Variants in HACD3 observed in about 807,000 individuals in gnomAD.
HACD3 encodes 3-hydroxyacyl-CoA dehydratase 3.
Under a neutral mutation model 55.2 loss-of-function variants are expected in HACD3, and 30 were observed. That is an observed-to-expected ratio of 0.54 (90% CI 0.41 to 0.74). The LOEUF (loss-of-function observed/expected upper bound fraction) is 0.74. HACD3 is among the 30% of genes least tolerant of loss of function. The pLI, the probability that HACD3 is intolerant of heterozygous loss-of-function variation, is 0.00. For synonymous variants in HACD3, 141 were observed against 151.7 expected (o/e 0.93, Z 0.52); for missense variants, 363 against 440.1 (o/e 0.82, Z 1.57).
Position 65,530,487 on chromosome 15 carries a change from A to T in HACD3, c.-145A>T, listed in dbSNP as rs1467328616. ...CGTCACTGCGCAGGCGCGGCCCGCG[A>T]GCGTGGGGTATCTCGAGGTGCCGGG... On this transcript the variant is annotated 5_prime_UTR_variant, in exon 1 of 11. Transcript: ENST00000261875. The T allele has an allele frequency of 3.1e-6, 2 of 650,076 alleles. No homozygotes were observed. Among genetic ancestry groups the T allele is most frequent in the African/African-American group, 1.9e-5 (1 of 51,672 alleles). The allele number at this position is 650,076 out of a possible 1,614,324, so 40.3% of individuals were successfully genotyped here.
chr15:65,535,316 G>A (rs558121604), intron 1 of HACD3, among the ~76,000 whole-genome samples: 5 of 152,206 alleles, frequency 3.3e-5, no homozygotes, highest in African/African-American at 7.2e-5. Context: ...CTAATATCAC[G>A]ACTATTTAAA....
In HACD3 at chr15:65,560,965, G is replaced by C. The variant is rs528119056; in HGVS notation, c.422-1809G>C. 2.0e-5 allele frequency among the ~76,000 whole-genome samples: 3 copies of C among 152,294 alleles called. No individual in the cohort carries two copies. The East Asian group carries it at 5.8e-4, about 29-fold the overall frequency. On this transcript the variant is annotated intron_variant, in intron 5 of 10. Coordinates refer to ENST00000261875, the MANE Select transcript of HACD3 (RefSeq NM_016395.4). ...TTACAGTTTTTAGATTGTAAGCTCT[G>C]AGGGCAGCCTTGAACTACCTTTGTA...
At chr15:65,568,248 A>G (rs2072312323) in intron 7 of HACD3, among the ~76,000 whole-genome samples, 1 of 151,876 alleles carries the variant, frequency 6.6e-6, no homozygotes, top group African/African-American at 2.4e-5. Context: ...ATTTTACAAG[A>G]TGAAAAGAGT....
At chr15:65,543,230 G>A (rs1596206292) in intron 1 of HACD3, among the ~76,000 whole-genome samples, 1 of 152,084 alleles carries the variant, frequency 6.6e-6, no homozygotes, top group Non-Finnish European at 1.5e-5. Context: ...AGTAGATCAT[G>A]TCCTTTTTAA....
chr15:65,535,649 A>AT lies in HACD3; in HGVS notation c.87+4933dup, dbSNP rs202114734. On this transcript the variant is annotated intron_variant, in intron 1 of 10. Coordinates refer to ENST00000261875, the MANE Select transcript of HACD3 (RefSeq NM_016395.4). ...TTGGAATAGTTCAGATTTTTTCATT[A>AT]TTATTATATCTGTTCTGGTGATCTG... The AT allele has an allele frequency of 3.5e-3, 1,406 of 399,528 alleles. 11 individuals carry two copies. The highest frequency in any genetic ancestry group is 0.027 in the African/African-American group (1,280 of 48,120). The allele number at this position is 399,528 out of a possible 1,614,324, so 24.7% of individuals were successfully genotyped here.
chr15:65,574,324 C>G (rs933351336), intron 10 of HACD3: 1 of 152,112 alleles, frequency 6.6e-6, no homozygotes, highest in Non-Finnish European at 1.5e-5. Context: ...TGCCATAGCC[C>G]GTCTCCATAT....
intron 7 of HACD3, among the ~76,000 whole-genome samples, chr15:65,568,769 A>G (rs1288946137): frequency 6.6e-6 from 1 of 152,230 alleles, no homozygotes; most frequent in Non-Finnish European, 1.5e-5. Context: ...TAAAAAATCA[A>G]GACAGTATAA....
Position 65,558,663 on chromosome 15 carries a change from T to A in HACD3, c.370-17T>A. Reference sequence around the variant, plus strand: ...ATTCTAACTTGTGTTCTTGGAAAACTTTTGTCTAAATTCTAGGAAGAAGAG... The same window carrying A: ...ATTCTAACTTGTGTTCTTGGAAAACATTTGTCTAAATTCTAGGAAGAAGAG... On this transcript the variant is annotated splice_polypyrimidine_tract_variant and intron_variant, in intron 4 of 10. Transcript: ENST00000261875. 6.3e-7 allele frequency: 1 copy of A among 1,584,928 alleles called. No homozygotes were observed. Among genetic ancestry groups the A allele is most frequent in the South Asian group, 1.2e-5 (1 of 86,568 alleles).
At chr15:65,561,831 C>T (rs769485503) in intron 5 of HACD3, among the ~76,000 whole-genome samples, 7 of 152,190 alleles carry the variant, frequency 4.6e-5, no homozygotes, top group Non-Finnish European at 1.0e-4. Context: ...CGAGTCTGAA[C>T]CTCCAGAACT....
rs181171448 is a variant in HACD3, at chr15:65,566,515, C to T, written c.660+2173C>T. 314 of 162,220 alleles carry T rather than the reference C, an allele frequency of 1.9e-3. 2 individuals are homozygous for T. The Middle Eastern group carries it at 0.021, about 11-fold the overall frequency. 10.0% of individuals were successfully genotyped at this position (162,220 alleles called of 1,614,324 possible). On this transcript the variant is annotated intron_variant, in intron 7 of 10. Transcript: ENST00000261875. ...ATGAGGAAGAAACAAAAGCGGAAAC[C>T]CCTGATAAGCCCGCCAGATCTTGTG... is the stretch of plus-strand genomic sequence containing the variant.
At chr15:65,535,316 G>C (rs558121604) in intron 1 of HACD3, among the ~76,000 whole-genome samples, 4 of 152,088 alleles carry the variant, frequency 2.6e-5, no homozygotes, top group Non-Finnish European at 5.9e-5. Context: ...CTAATATCAC[G>C]ACTATTTAAA....
chr15:65,538,324 C>T (rs1053428018), intron 1 of HACD3, among the ~76,000 whole-genome samples: 24 of 151,992 alleles, frequency 1.6e-4, no homozygotes, highest in African/African-American at 5.8e-4. Context: ...TAAAAATGAA[C>T]AGGAGTTTCG....
At chr15:65,553,872 C>A (rs1888024831) in intron 2 of HACD3, among the ~76,000 whole-genome samples, 1 of 152,138 alleles carries the variant, frequency 6.6e-6, no homozygotes, top group Non-Finnish European at 1.5e-5. Flanking sequence ...GCAGCAGCTG[C>A]TGGGTCCAGC....
At chr15:65,552,761 A>G (rs1188524979) in intron 2 of HACD3, among the ~76,000 whole-genome samples, 2 of 151,520 alleles carry the variant, frequency 1.3e-5, no homozygotes, top group East Asian at 3.9e-4. Context: ...TTACATATGT[A>G]TACATGTGCC....
At position 65,530,567 on chromosome 15, in the gene HACD3, A is replaced by G; in HGVS notation, c.-65A>G. On this transcript the variant is annotated 5_prime_UTR_variant, in exon 1 of 11. Transcript: ENST00000261875. The stretch of plus-strand genomic sequence containing the variant: ...AGGCCTGCTTTCTGCTCGCGCCAGC[A>G]GAGCACTACCTGAGGCAGCGAGGCG... 6 of 1,430,482 alleles carry G rather than the reference A, an allele frequency of 4.2e-6. No homozygotes were observed. The highest frequency in any genetic ancestry group is 1.3e-5 in the South Asian group (1 of 79,528). 88.6% of individuals were successfully genotyped at this position (1,430,482 alleles called of 1,614,324 possible).
rs995680188 is a variant in HACD3, at chr15:65,577,403, G to C, written c.*1024G>C. ...TGTGCCACTGCACTGCAGCTGGGGT[G>C]ACAGTGCAAGACCCTGTCTCAAACC... is the stretch of plus-strand genomic sequence containing the variant. On this transcript the variant is annotated 3_prime_UTR_variant, in exon 11 of 11. Coordinates refer to ENST00000261875, the MANE Select transcript of HACD3 (RefSeq NM_016395.4). 1 of 152,216 alleles carries C rather than the reference G, an allele frequency of 6.6e-6. No homozygotes were observed. Among genetic ancestry groups the C allele is most frequent in the African/African-American group, 2.4e-5 (1 of 41,364 alleles). 9.4% of individuals were successfully genotyped at this position (152,216 alleles called of 1,614,324 possible).
At chr15:65,563,080 A>G (rs1402027867) in intron 6 of HACD3, among the ~76,000 whole-genome samples, 196 bp downstream of exon 6, 1 of 152,084 alleles carries the variant, frequency 6.6e-6, no homozygotes, top group East Asian at 1.9e-4. Flanking sequence ...CTTTCCATAT[A>G]ACAGGTAATA....
chr15:65,562,697 T>C lies in HACD3; in HGVS notation c.422-77T>C. 1.9e-6 allele frequency: 3 copies of C among 1,539,256 alleles called. No homozygotes were observed. The South Asian group carries it at 3.7e-5, about 19-fold the overall frequency. ...CAGGAAGGAAAAAGGGTTGAAGTCA[T>C]CCAGATATGCCTCATACACCTGTCT... On this transcript the variant is annotated intron_variant, in intron 5 of 10. Transcript: ENST00000261875.
intron 10 of HACD3, among the ~76,000 whole-genome samples, chr15:65,575,535 T>C (rs2072392680): frequency 6.6e-6 from 1 of 152,116 alleles, no homozygotes; most frequent in Non-Finnish European, 1.5e-5. Context: ...TTCTGCACTT[T>C]AGATTTGTGC....
Sources: gnomAD v4.1 joint callset for allele counts (sites outside exome capture counted in the v4.1 genomes callset) on GRCh38, gnomAD v4.1.1 for gene constraint, MANE v1.5 for transcripts, NCBI Gene and HGNC (gene_info 2026-07-23, HGNC 2026-07-21) for gene names.